The following CCDC73 variants were observed in gnomAD, a reference collection of about 807,000 sequenced individuals.
The protein encoded by CCDC73 is coiled-coil domain-containing protein 73.
CCDC73 carries 95 observed loss-of-function variants against 116.5 expected under a neutral mutation model. That is an observed-to-expected ratio of 0.82 (90% CI 0.69 to 0.97). The LOEUF is 0.97. Ranked by LOEUF, CCDC73 falls within the 50% of genes least tolerant of loss-of-function variation. The probability of loss-of-function intolerance (pLI) is 0.00; values close to 1 mark genes in which losing one functional copy is unlikely to be tolerated. For missense variants in CCDC73, 1,066 were observed against 1,206.8 expected, an observed-to-expected ratio of 0.88 and a Z score of 1.73; for synonymous variants, 398 against 401.3, an observed-to-expected ratio of 0.99 and a Z score of 0.10.
the CCDC73 span, among the ~76,000 whole-genome samples, chr11:32,816,405 T>C: frequency 1.3e-5 from 2 of 152,330 alleles, no homozygotes; most frequent in South Asian, 4.1e-4. Context: ...ATATAACTGT[T>C]CCCAGTGTTT....
At chr11:32,805,149 A>G in the CCDC73 span, among the ~76,000 whole-genome samples, 1 of 152,234 alleles carries the variant, frequency 6.6e-6, no homozygotes, top group African/African-American at 2.4e-5. Context: ...TGAGTTTCTA[A>G]CAATAGTGTC....
At chr11:32,774,273 A>G (rs1054723305) in intron 1 of CCDC73, among the ~76,000 whole-genome samples, 1 of 152,162 alleles carries the variant, frequency 6.6e-6, no homozygotes, top group Admixed American at 6.5e-5. Flanking sequence ...CTTGCCTTAC[A>G]AAGTACCTGT....
chr11:32,626,128 A>G (rs1855571297), intron 14 of CCDC73, among the ~76,000 whole-genome samples: 2 of 152,032 alleles, frequency 1.3e-5, no homozygotes, highest in South Asian at 2.1e-4. Context: ...CAACTTCAGC[A>G]AAGTCTCAGG....
intron 14 of CCDC73, among the ~76,000 whole-genome samples, chr11:32,619,862 G>A (rs760641475): frequency 7.7e-6 from 1 of 129,332 alleles, no homozygotes; most frequent in African/African-American, 2.8e-5. Context: ...AAGTAGAAGG[G>A]AAGGAGAAGG....
intron 1 of CCDC73, among the ~76,000 whole-genome samples, chr11:32,782,593 T>C (rs1000945407): frequency 6.6e-6 from 1 of 152,172 alleles, no homozygotes; most frequent in African/African-American, 2.4e-5. Context: ...GTGTCTAATT[T>C]AAAAGACAAA....
At chr11:32,757,481 C>T (rs1037759149) in intron 2 of CCDC73, among the ~76,000 whole-genome samples, 7 of 152,094 alleles carry the variant, frequency 4.6e-5, no homozygotes, top group African/African-American at 1.7e-4. Flanking sequence ...TTAGTAGGTA[C>T]ATTAGGTTAC....
intron 2 of CCDC73, among the ~76,000 whole-genome samples, chr11:32,753,293 C>CTTTTTTTTT (rs11309977): frequency 1.6e-5 from 2 of 127,806 alleles, no homozygotes. Context: ...TTCTTTTCTG[C>CTTTTTTTTT]TTTTTTTTTT....
intron 6 of CCDC73, among the ~76,000 whole-genome samples, chr11:32,698,118 G>A (rs924176361): frequency 2.0e-5 from 3 of 146,738 alleles, no homozygotes; most frequent in African/African-American, 7.6e-5. Context: ...TGCGCCTCCC[G>A]GGTTCACGCC....
intron 2 of CCDC73, among the ~76,000 whole-genome samples, chr11:32,736,831 A>G (rs575644007): frequency 9.6e-4 from 146 of 152,120 alleles, no homozygotes; most frequent in Non-Finnish European, 1.4e-3. Context: ...CTATGCAGCC[A>G]TAAGAAAGGA....
intron 14 of CCDC73, among the ~76,000 whole-genome samples, chr11:32,619,771 G>GAGCAGAAGA (rs367691338): frequency 3.3e-5 from 5 of 150,738 alleles, no homozygotes; most frequent in African/African-American, 4.9e-5. Context: ...GATGAAGAAG[G>GAGCAGAAGA]AGCAGAAGAA....
chr11:32,755,725 A>G (rs1485766474), intron 2 of CCDC73, among the ~76,000 whole-genome samples: 1 of 40,320 alleles, frequency 2.5e-5, no homozygotes, highest in African/African-American at 1.1e-4. Context: ...ATATGTGTAT[A>G]TATATATCTC....
At chr11:32,765,439 A>G (rs1295868700) in intron 1 of CCDC73, among the ~76,000 whole-genome samples, 2 of 152,234 alleles carry the variant, frequency 1.3e-5, no homozygotes, top group African/African-American at 4.8e-5. Flanking sequence ...CAATCAAACT[A>G]GAACTCAGGA....
Position 32,770,634 on chromosome 11 carries a change from G to A in CCDC73, c.-15-10376C>T, listed in dbSNP as rs546436966. Among the ~76,000 whole-genome samples, 8 of 152,296 alleles carry A rather than the reference G, an allele frequency of 5.3e-5. No individual in the cohort carries two copies. The South Asian group carries it at 6.2e-4, about 12-fold the overall frequency. ...AACTGTTACTGGAGTCTGCAAAGACGTCCAGAAATAACTGGACAAAGCATT... is the reference window on the plus strand; with the variant it reads ...AACTGTTACTGGAGTCTGCAAAGACATCCAGAAATAACTGGACAAAGCATT... On this transcript the variant is annotated intron_variant, in intron 1 of 17. Coordinates refer to ENST00000335185, the MANE Select transcript of CCDC73 (RefSeq NM_001008391.4).
intron 14 of CCDC73, among the ~76,000 whole-genome samples, chr11:32,618,926 T>A (rs1855498210): frequency 6.6e-6 from 1 of 152,204 alleles, no homozygotes; most frequent in African/African-American, 2.4e-5. Context: ...ATTTCTCTGA[T>A]GATTAGTGAT....
intron 1 of CCDC73, among the ~76,000 whole-genome samples, chr11:32,778,263 C>T (rs1420237736): frequency 6.6e-6 from 1 of 152,162 alleles, no homozygotes; most frequent in African/African-American, 2.4e-5. Flanking sequence ...CCCAGCAATC[C>T]TGTGTTTTAA....
chr11:32,642,068 A>C lies in CCDC73; in HGVS notation c.954T>G (p.Asp318Glu). The change falls in exon 13 of 18, where the codon GAT becomes GAG. Residue 318 changes from aspartate to glutamate, a missense_variant. Transcript: ENST00000335185. ...TTACCTTCTCCCTTTGCAGCTCATT[A>C]TCTCTTTCAAGGGTCTGCAATAAAA... Reference protein sequence around the residue: ...LKENNQTLERDNELQREKVKE... With the variant: ...LKENNQTLERENELQREKVKE... The C allele has an allele frequency of 1.3e-6, 2 of 1,559,730 alleles. No homozygotes were observed. The highest frequency in any genetic ancestry group is 1.7e-6 in the Non-Finnish European group (2 of 1,153,970).
At chr11:32,666,786 G>A (rs1186013915) in intron 9 of CCDC73, among the ~76,000 whole-genome samples, 2 of 152,122 alleles carry the variant, frequency 1.3e-5, no homozygotes, top group African/African-American at 4.8e-5. Context: ...CCATCTTTGT[G>A]GTTTTATCTA....
intron 14 of CCDC73, among the ~76,000 whole-genome samples, chr11:32,623,537 G>A (rs1246479187): frequency 6.6e-6 from 1 of 152,056 alleles, no homozygotes; most frequent in African/African-American, 2.4e-5. Context: ...AAATTTTGTA[G>A]AGACAAGGGT....
chr11:32,689,332 A>G (rs1856233133), intron 6 of CCDC73, among the ~76,000 whole-genome samples: 1 of 152,170 alleles, frequency 6.6e-6, no homozygotes, highest in Admixed American at 6.5e-5. Flanking sequence ...GCTCTGTAGG[A>G]AGAATTCCAC....
Sources: gnomAD v4.1 joint callset for allele counts (sites outside exome capture counted in the v4.1 genomes callset) on GRCh38, gnomAD v4.1.1 for gene constraint, MANE v1.5 for transcripts, NCBI Gene and HGNC (gene_info 2026-07-23, HGNC 2026-07-21) for gene names.